The following DKK3 variants were observed in gnomAD, a reference collection of about 807,000 sequenced individuals.
The protein encoded by DKK3 is dickkopf-related protein 3.
DKK3 carries 22 observed loss-of-function variants against 33.2 expected under a neutral mutation model. The ratio of observed to expected loss-of-function variants is 0.66; its 90% CI spans 0.47 to 0.95. The LOEUF (loss-of-function observed/expected upper bound fraction) is 0.95, where lower values mean the gene tolerates loss of function less well. Ranked by LOEUF, DKK3 falls within the 40% of genes least tolerant of loss-of-function variation. The pLI, the probability that DKK3 is intolerant of heterozygous loss-of-function variation, is 0.00. For synonymous variants in DKK3, 194 were observed against 188.8 expected (o/e 1.03, Z -0.23); for missense variants, 398 against 458.4 (o/e 0.87, Z 1.20).
intron 3 of DKK3, among the ~76,000 whole-genome samples, chr11:11,971,828 A>G (rs1265942065): frequency 6.6e-6 from 1 of 152,194 alleles, no homozygotes; most frequent in Non-Finnish European, 1.5e-5. Context: ...TTTTCTAGGT[A>G]CGGAAAAAAA....
At position 11,994,279 on chromosome 11, in the gene DKK3, A is replaced by G. The variant is rs527559818; in HGVS notation, c.435+4417T>C. On this transcript the variant is annotated intron_variant, in intron 3 of 6. Coordinates refer to ENST00000683431, the MANE Select transcript of DKK3 (RefSeq NM_001018057.2). ...AAAGAGCCTTTATAAACCTTGCCAC[A>G]CTAGATTCTCACTCAGTCTTGTGAA... Among the ~76,000 whole-genome samples, 63 of 152,076 alleles carry G rather than the reference A, an allele frequency of 4.1e-4. 2 individuals carry two copies. In the South Asian group the frequency reaches 0.013, roughly 31 times the overall value.
intron 3 of DKK3, chr11:11,968,757 C>G (rs1430378217): frequency 1.2e-5 from 4 of 341,102 alleles, no homozygotes; most frequent in Admixed American, 4.8e-5. Flanking sequence ...AGTTCTCCCC[C>G]ACCCACACCC....
At chr11:11,988,413 G>A (rs2403557) in intron 3 of DKK3, among the ~76,000 whole-genome samples, 48,693 of 152,026 alleles carry the variant, frequency 0.32, 7,983 homozygotes, top group Admixed American at 0.39. Context: ...TGCATTCCCC[G>A]CTTCCCATCC....
intron 3 of DKK3, among the ~76,000 whole-genome samples, chr11:11,970,896 G>C (rs949404621): frequency 1.3e-5 from 2 of 152,220 alleles, no homozygotes; most frequent in African/African-American, 4.8e-5. Context: ...CTGGAAAACA[G>C]TAAATTTGTG....
intron 3 of DKK3, among the ~76,000 whole-genome samples, chr11:11,997,248 A>T (rs907775868): frequency 6.6e-6 from 1 of 152,064 alleles, no homozygotes; most frequent in Non-Finnish European, 1.5e-5. Context: ...ACTTGAGAAC[A>T]AAGGCTTTTT....
intron 1 of DKK3, among the ~76,000 whole-genome samples, chr11:12,005,205 T>TC (rs1848513606): frequency 6.6e-6 from 1 of 152,162 alleles, no homozygotes; most frequent in Non-Finnish European, 1.5e-5. Flanking sequence ...ATAAAACTTT[T>TC]CCCCCCAGCT....
chr11:11,993,078 G>C (rs1590540216), intron 3 of DKK3, among the ~76,000 whole-genome samples: 2 of 152,296 alleles, frequency 1.3e-5, no homozygotes, highest in Admixed American at 6.5e-5. Flanking sequence ...CAAAATTTTA[G>C]ATATGCATAC....
intron 3 of DKK3, among the ~76,000 whole-genome samples, chr11:11,984,362 T>C (rs376704298): frequency 3.9e-5 from 6 of 152,308 alleles, no homozygotes; most frequent in African/African-American, 1.4e-4. Flanking sequence ...TGAGCATAAA[T>C]GCTATTTTAA....
At chr11:11,982,826 T>A (rs1279774526) in intron 3 of DKK3, among the ~76,000 whole-genome samples, 1 of 152,118 alleles carries the variant, frequency 6.6e-6, no homozygotes, top group Non-Finnish European at 1.5e-5. Flanking sequence ...CCTAATGAAA[T>A]CCCCTTTCTC....
intron 3 of DKK3, among the ~76,000 whole-genome samples, chr11:11,976,275 G>C (rs1337612511): frequency 6.6e-6 from 1 of 152,238 alleles, no homozygotes; most frequent in Non-Finnish European, 1.5e-5. Context: ...AAGGAGGACA[G>C]TTGCAATGGA....
rs564142241 is a variant in DKK3, at chr11:11,987,393, TG to T, written c.435+11302del. Among the ~76,000 whole-genome samples the T allele has an allele frequency of 2.0e-5, 3 of 152,348 alleles. 1 individual carries two copies. In the South Asian group the frequency reaches 6.2e-4, roughly 32 times the overall value. On this transcript the variant is annotated intron_variant, in intron 3 of 6. Transcript: ENST00000683431. ...GAAATAAGTTTCCAGATCTGATGGCTGCATGATTTGGAGAAAACTACATCCC... is the reference window on the plus strand; with the variant it reads ...GAAATAAGTTTCCAGATCTGATGGCTCATGATTTGGAGAAAACTACATCCC...
At chr11:12,003,746 T>A (rs1176252422) in intron 1 of DKK3, among the ~76,000 whole-genome samples, 5 of 148,724 alleles carry the variant, frequency 3.4e-5, no homozygotes, top group South Asian at 2.1e-4. Context: ...ATTTTTTTTT[T>A]TAAAAAAAGA....
At chr11:12,009,461 T>TCACGCCC (rs940619822), upstream of DKK3, 16 of 870,294 alleles carry the variant, frequency 1.8e-5, no homozygotes, top group African/African-American at 1.1e-4. Flanking sequence ...GCCGGCCACC[T>TCACGCCC]CACGCCCCAC....
rs546607009 is a variant in DKK3 at position 11,998,888 on chromosome 11, T to C, written c.352-109A>G. 696 of 1,026,276 alleles carry C rather than the reference T, an allele frequency of 6.8e-4. 2 individuals carry two copies. The highest frequency in any genetic ancestry group is 9.6e-4 in the Non-Finnish European group (647 of 673,824). 63.6% of individuals were successfully genotyped at this position (1,026,276 alleles called of 1,614,324 possible). On this transcript the variant is annotated intron_variant, in intron 2 of 6. Transcript: ENST00000683431. ...TTTTCTGAAGCAGGAGCATCCAGTA[T>C]AGGAGTCGAAATGCCCACCCCGCTT...
At chr11:11,996,546 T>C (rs540222781) in intron 3 of DKK3, among the ~76,000 whole-genome samples, 1 of 152,326 alleles carries the variant, frequency 6.6e-6, no homozygotes, top group African/African-American at 2.4e-5. Context: ...AAGTCTCCAA[T>C]CTGTTCTCCA....
chr11:11,968,273 G>T, intron 4 of DKK3, 122 bp downstream of exon 4: 1 of 865,660 alleles, frequency 1.2e-6, no homozygotes. Context: ...GCCCTCTTGG[G>T]TCCTCCCCAT....
intron 2 of DKK3, chr11:12,001,958 A>G (rs1848438081): frequency 5.3e-6 from 1 of 188,890 alleles, no homozygotes; most frequent in African/African-American, 2.3e-5. Context: ...CCTATGAGAT[A>G]GATCAATTCC....
intron 1 of DKK3, among the ~76,000 whole-genome samples, chr11:12,007,638 T>G (rs1430092212): frequency 2.0e-5 from 3 of 152,150 alleles, no homozygotes; most frequent in African/African-American, 4.8e-5. Context: ...CACCTATTAT[T>G]TGCCAGGTGC....
rs149247606 is a variant in DKK3, at chr11:12,002,460, G to A, written c.214-23C>T. ...CATCTATTAAATCGATGAATTTAAT[G>A]AGCAAAATTATTTTCTCTTGTTACA... is the stretch of plus-strand genomic sequence containing the variant. On this transcript the variant is annotated intron_variant, in intron 1 of 6. Coordinates refer to ENST00000683431, the MANE Select transcript of DKK3 (RefSeq NM_001018057.2). 757 of 1,598,428 alleles carry A rather than the reference G, an allele frequency of 4.7e-4. 4 individuals carry two copies. The African/African-American group carries it at 7.2e-3, about 15-fold the overall frequency.
Sources: allele counts gnomAD v4.1 joint callset (sites outside exome capture counted in the v4.1 genomes callset), GRCh38; gene constraint gnomAD v4.1.1; transcripts MANE v1.5; gene names NCBI Gene and HGNC (gene_info 2026-07-23, HGNC 2026-07-21).